MOB3B: variants seen among roughly 807,000 people sequenced by gnomAD.
MOB3B encodes MOB kinase activator-like 2B.
MOB3B carries 7 observed loss-of-function variants against 18.7 expected under a neutral mutation model. The observed-to-expected ratio is 0.37, with a 90% CI of 0.21 to 0.70. The LOEUF (loss-of-function observed/expected upper bound fraction) is 0.70. Among genes scored for constraint, MOB3B ranks in the 30% least tolerant of loss-of-function variants. The pLI is 0.52. For missense variants in MOB3B, 253 were observed against 281.3 expected, an observed-to-expected ratio of 0.90 and a Z score of 0.72; for synonymous variants, 111 against 99.9, an observed-to-expected ratio of 1.11 and a Z score of -0.66.
At chr9:27,517,690 C>T (rs1233974113) in intron 1 of MOB3B, among the ~76,000 whole-genome samples, 1 of 134,934 alleles carries the variant, frequency 7.4e-6, no homozygotes, top group Non-Finnish European at 1.6e-5. Context: ...AATTACTGAA[C>T]TGATCTGATA....
At position 27,514,898 on chromosome 9, in the gene MOB3B, T is replaced by C. The variant is rs537656021; in HGVS notation, c.-199+14657A>G. On this transcript the variant is annotated intron_variant, in intron 1 of 3. Transcript: ENST00000262244. ...ATGCATGTGCTAGTGGTAACTCCTG[T>C]AAAGAAGTTACTAGGGTCTTCGCTC... Among the ~76,000 whole-genome samples, 30 of 152,312 alleles carry C rather than the reference T, an allele frequency of 2.0e-4. No individual in the cohort carries two copies. In the East Asian group the frequency reaches 5.2e-3, roughly 26 times the overall value.
chr9:27,434,878 C>A (rs895342088), intron 2 of MOB3B, among the ~76,000 whole-genome samples: 1 of 152,230 alleles, frequency 6.6e-6, no homozygotes, highest in Admixed American at 6.5e-5. Context: ...AAAACCACCC[C>A]AAAACATGAC....
intron 1 of MOB3B, among the ~76,000 whole-genome samples, chr9:27,512,500 T>C (rs1820161923): frequency 6.6e-6 from 1 of 152,186 alleles, no homozygotes; most frequent in Non-Finnish European, 1.5e-5. Context: ...TTGCTGAAGG[T>C]TGAATTTTCT....
chr9:27,368,211 A>T (rs947052248), intron 2 of MOB3B, among the ~76,000 whole-genome samples: 3 of 152,148 alleles, frequency 2.0e-5, no homozygotes, highest in Non-Finnish European at 4.4e-5. Context: ...AACAAAACAC[A>T]TGAACAACAC....
chr9:27,350,757 T>C (rs972383336), intron 3 of MOB3B, among the ~76,000 whole-genome samples: 1 of 152,170 alleles, frequency 6.6e-6, no homozygotes, highest in African/African-American at 2.4e-5. Context: ...AGCCTTTGCA[T>C]TATCCTGAAC....
intron 2 of MOB3B, among the ~76,000 whole-genome samples, chr9:27,394,880 A>G (rs755328134): frequency 3.9e-5 from 6 of 152,244 alleles, no homozygotes; most frequent in Non-Finnish European, 8.8e-5. Flanking sequence ...TGCCCACTGT[A>G]TATTTCATGT....
At chr9:27,337,025 C>T (rs978023608) in intron 3 of MOB3B, among the ~76,000 whole-genome samples, 5 of 152,230 alleles carry the variant, frequency 3.3e-5, no homozygotes, top group East Asian at 1.9e-4. Flanking sequence ...TCCCAGCTAC[C>T]GGCCCCGTGC....
intron 2 of MOB3B, among the ~76,000 whole-genome samples, chr9:27,398,709 G>A (rs982020888): frequency 2.0e-5 from 3 of 152,166 alleles, no homozygotes; most frequent in Non-Finnish European, 2.9e-5. Context: ...CCACTGTGAC[G>A]CAGAAATACT....
intron 1 of MOB3B, among the ~76,000 whole-genome samples, chr9:27,508,522 C>A (rs890279155): frequency 9.2e-5 from 14 of 152,040 alleles, no homozygotes; most frequent in African/African-American, 3.4e-4. Context: ...GCCTACATCA[C>A]CAAAGGCAAG....
chr9:27,475,084 C>T (rs910750671), intron 1 of MOB3B, among the ~76,000 whole-genome samples: 81 of 152,220 alleles, frequency 5.3e-4, no homozygotes, highest in African/African-American at 1.8e-3. Flanking sequence ...CTCTTGCTCT[C>T]GCTTTGATGA....
intron 1 of MOB3B, among the ~76,000 whole-genome samples, chr9:27,472,812 T>C (rs560352831): frequency 9.3e-4 from 142 of 152,278 alleles, no homozygotes; most frequent in African/African-American, 3.1e-3. Context: ...TGATAATCAT[T>C]TCTTCTACCA....
intron 2 of MOB3B, among the ~76,000 whole-genome samples, chr9:27,416,760 G>T (rs965648123): frequency 1.3e-5 from 2 of 151,548 alleles, no homozygotes; most frequent in African/African-American, 4.8e-5. Context: ...GGTCTTAAAC[G>T]TCTGGCTTTA....
chr9:27,527,365 C>CTT (rs11410615), intron 1 of MOB3B, among the ~76,000 whole-genome samples: 4 of 151,858 alleles, frequency 2.6e-5, no homozygotes, highest in Non-Finnish European at 4.4e-5. Flanking sequence ...AAAGATGTTG[C>CTT]TTTTTTTTCT....
At chr9:27,524,357 G>A in intron 1 of MOB3B, 2 of 1,612,274 alleles carry the variant, frequency 1.2e-6, no homozygotes, top group Non-Finnish European at 8.5e-7. Context: ...AACCTGATAT[G>A]ATTCAAAAGT....
chr9:27,380,281 TTTTA>T (rs1251388058), intron 2 of MOB3B, among the ~76,000 whole-genome samples: 6 of 139,974 alleles, frequency 4.3e-5, no homozygotes, highest in African/African-American at 1.6e-4. Context: ...TTTTTTTTTT[TTTTA>T]GACAGAATCT....
At chr9:27,434,072 T>C (rs909636418) in intron 2 of MOB3B, among the ~76,000 whole-genome samples, 1 of 152,224 alleles carries the variant, frequency 6.6e-6, no homozygotes, top group African/African-American at 2.4e-5. Flanking sequence ...GGTAGCCTCA[T>C]GTCTTCTTAC....
chr9:27,523,070 A>T (rs1161343649), intron 1 of MOB3B, among the ~76,000 whole-genome samples: 2 of 152,194 alleles, frequency 1.3e-5, no homozygotes, highest in Non-Finnish European at 2.9e-5. Context: ...TGTTTGTGGA[A>T]CTGTGGCTAT....
chr9:27,479,784 A>T (rs1451181766), intron 1 of MOB3B, among the ~76,000 whole-genome samples: 1 of 152,230 alleles, frequency 6.6e-6, no homozygotes, highest in Non-Finnish European at 1.5e-5. Flanking sequence ...TGAATAACTT[A>T]AAACTTTTTA....
rs1822849492 is a variant in MOB3B at position 27,455,052 on chromosome 9, AGCATTCAAAG to A, written c.418+71_418+80del. ...TGGGATTAATGCATGGGTGCTACCT[AGCATTCAAAG>A]GCAGTCTGCAAATTTTCATAGTGAA... On this transcript the variant is annotated intron_variant, in intron 2 of 3. Transcript: ENST00000262244. The A allele has an allele frequency of 7.8e-6, 11 of 1,414,610 alleles. No homozygotes were observed. The South Asian group carries it at 1.3e-4, about 17-fold the overall frequency. The allele number at this position is 1,414,610 out of a possible 1,614,324, so 87.6% of individuals were successfully genotyped here. A position where few individuals can be genotyped will look rare whatever the true frequency, so the allele number is the denominator to read the frequency against.
Sources: gnomAD v4.1 joint callset for allele counts (sites outside exome capture counted in the v4.1 genomes callset) on GRCh38, gnomAD v4.1.1 for gene constraint, MANE v1.5 for transcripts, NCBI Gene and HGNC (gene_info 2026-07-23, HGNC 2026-07-21) for gene names.